ARSB: variants seen among roughly 807,000 people sequenced by gnomAD.
ARSB encodes arylsulfatase B.
ARSB carries 41 observed loss-of-function variants against 50.9 expected under a neutral mutation model. That is an observed-to-expected ratio of 0.81 (90% CI 0.63 to 1.04). ARSB has a LOEUF of 1.04. Among genes scored for constraint, ARSB ranks in the 50% least tolerant of loss-of-function variants. ARSB has a pLI of 0.00. For synonymous variants in ARSB, 269 were observed against 284.8 expected, an observed-to-expected ratio of 0.94 and a Z score of 0.56; for missense variants, 672 against 693.3, an observed-to-expected ratio of 0.97 and a Z score of 0.35.
chr5:78,910,362 C>A (rs1380375113), intron 4 of ARSB, among the ~76,000 whole-genome samples: 2 of 152,272 alleles, frequency 1.3e-5, no homozygotes, highest in East Asian at 3.9e-4. Context: ...TGGCCCCCTT[C>A]ATAAAGTAAG....
intron 1 of ARSB, among the ~76,000 whole-genome samples, chr5:78,972,543 A>ACACACACACACC (rs1361695118): frequency 5.3e-4 from 79 of 150,410 alleles, no homozygotes; most frequent in African/African-American, 1.4e-3. Context: ...ACACACACAC[A>ACACACACACACC]CCCCAAATCA....
chr5:78,859,499 T>C (rs1746321034), intron 5 of ARSB, among the ~76,000 whole-genome samples: 1 of 152,022 alleles, frequency 6.6e-6, no homozygotes, highest in Non-Finnish European at 1.5e-5. Context: ...CCACGAAGAA[T>C]TACAAAAAGA....
At chr5:78,799,183 G>C (rs1460240002) in intron 6 of ARSB, among the ~76,000 whole-genome samples, 2 of 152,150 alleles carry the variant, frequency 1.3e-5, no homozygotes, top group African/African-American at 4.8e-5. Context: ...TATGAAGGAG[G>C]TGCCACCCAG....
intron 3 of ARSB, among the ~76,000 whole-genome samples, chr5:78,959,883 G>A (rs1390263724): frequency 6.6e-6 from 1 of 152,160 alleles, no homozygotes; most frequent in Non-Finnish European, 1.5e-5. Flanking sequence ...ATCACAGTGA[G>A]GACCCCACCT....
chr5:78,980,122 A>C, intron 1 of ARSB, among the ~76,000 whole-genome samples: 1 of 152,330 alleles, frequency 6.6e-6, no homozygotes, highest in Middle Eastern at 3.4e-3. Flanking sequence ...GACTGCTAAT[A>C]GTTGAGTGGT....
chr5:78,791,574 G>T (rs1341286278), intron 6 of ARSB, among the ~76,000 whole-genome samples: 1 of 152,202 alleles, frequency 6.6e-6, no homozygotes, highest in Non-Finnish European at 1.5e-5. Context: ...GAGCGACTGC[G>T]CTGGTGCACA....
chr5:78,902,040 C>T (rs906869711), intron 4 of ARSB, among the ~76,000 whole-genome samples: 1 of 152,228 alleles, frequency 6.6e-6, no homozygotes, highest in Non-Finnish European at 1.5e-5. Context: ...GTTTATTTAG[C>T]TCATGGTTCT....
At chr5:78,908,731 CTT>C (rs34571367) in intron 4 of ARSB, among the ~76,000 whole-genome samples, 5 of 140,360 alleles carry the variant, frequency 3.6e-5, no homozygotes, top group Admixed American at 7.0e-5. Context: ...CTGGCCAAGA[CTT>C]TTTTTTTTTT....
intron 2 of ARSB, among the ~76,000 whole-genome samples, chr5:78,966,877 T>C (rs1752228242): frequency 1.3e-5 from 2 of 150,926 alleles, no homozygotes; most frequent in African/African-American, 4.9e-5. Flanking sequence ...TTACATCAAG[T>C]CTAATTTTAA....
At chr5:78,781,382 A>ATC (rs1455079181) in intron 7 of ARSB, among the ~76,000 whole-genome samples, 1 of 113,568 alleles carries the variant, frequency 8.8e-6, no homozygotes, top group African/African-American at 3.6e-5. Context: ...ATTTCTTCCT[A>ATC]TCTCCTCATT....
chr5:78,922,504 C>T (rs1223792110), intron 4 of ARSB, among the ~76,000 whole-genome samples: 1 of 152,016 alleles, frequency 6.6e-6, no homozygotes, highest in Non-Finnish European at 1.5e-5. Context: ...CATTCATCAC[C>T]TGCTAACTTA....
At chr5:78,844,167 G>A (rs934421758) in intron 5 of ARSB, among the ~76,000 whole-genome samples, 1 of 152,016 alleles carries the variant, frequency 6.6e-6, no homozygotes, top group African/African-American at 2.4e-5. Flanking sequence ...ACTCTCACCA[G>A]GAATAAGTGC....
chr5:78,799,863 T>A (rs1159409152), intron 6 of ARSB, among the ~76,000 whole-genome samples: 1 of 152,080 alleles, frequency 6.6e-6, no homozygotes, highest in African/African-American at 2.4e-5. Context: ...AAAATCTGGA[T>A]AGAAGGGAAA....
intron 6 of ARSB, among the ~76,000 whole-genome samples, chr5:78,816,295 C>T (rs2112665841): frequency 6.6e-6 from 1 of 152,302 alleles, no homozygotes; most frequent in East Asian, 1.9e-4. Flanking sequence ...AAAGAAGGTG[C>T]TCAACAAAGA....
chr5:78,827,143 C>T (rs1744467717), intron 6 of ARSB, among the ~76,000 whole-genome samples: 1 of 152,126 alleles, frequency 6.6e-6, no homozygotes, highest in South Asian at 2.1e-4. Flanking sequence ...GCCCACTGTA[C>T]CAGTCACTTC....
intron 4 of ARSB, among the ~76,000 whole-genome samples, chr5:78,902,085 C>G (rs905089816): frequency 6.6e-6 from 1 of 152,192 alleles, no homozygotes; most frequent in East Asian, 1.9e-4. Context: ...GGTGCTGGCA[C>G]CAGGTGAGGG....
chr5:78,933,903 T>G (rs1195502264), intron 4 of ARSB, among the ~76,000 whole-genome samples: 1 of 152,028 alleles, frequency 6.6e-6, no homozygotes, highest in East Asian at 1.9e-4. Context: ...GAAGGAAGAA[T>G]AGACTAGAGT....
At chr5:78,961,938 T>C (rs925088812) in intron 3 of ARSB, among the ~76,000 whole-genome samples, 9 of 152,058 alleles carry the variant, frequency 5.9e-5, no homozygotes, top group Non-Finnish European at 1.5e-5. Flanking sequence ...AATCACAATA[T>C]TTGGCATCAG....
At chr5:78,907,966 G>A (rs1380120899) in intron 4 of ARSB, among the ~76,000 whole-genome samples, 3 of 152,124 alleles carry the variant, frequency 2.0e-5, no homozygotes, top group Admixed American at 6.5e-5. Context: ...CAGGGGGAAG[G>A]GGGAAGTCTT....
Sources: allele counts gnomAD v4.1 joint callset (sites outside exome capture counted in the v4.1 genomes callset), GRCh38; gene constraint gnomAD v4.1.1; transcripts MANE v1.5; gene names NCBI Gene and HGNC (gene_info 2026-07-23, HGNC 2026-07-21).